Variants in WNK3 observed in about 807,000 individuals in gnomAD.
The protein encoded by WNK3 is WNK lysine deficient protein kinase 3.
Under a neutral mutation model 116.7 loss-of-function variants are expected in WNK3, and 18 were observed. The observed-to-expected ratio is 0.15, with a 90% CI of 0.11 to 0.23. WNK3 has a LOEUF of 0.23. Among genes scored for constraint, WNK3 ranks in the 10% least tolerant of loss-of-function variants. The probability of loss-of-function intolerance (pLI) is 1.00; values close to 1 mark genes in which losing one functional copy is unlikely to be tolerated. For synonymous variants in WNK3, 404 were observed against 469.4 expected (o/e 0.86, Z 1.80); for missense variants, 993 against 1,323.8 (o/e 0.75, Z 3.88).
At chrX:54,273,252 T>A (rs970199253) in intron 10 of WNK3, among the ~76,000 whole-genome samples, 1 of 112,353 alleles carries the variant, frequency 8.9e-6, no homozygotes, top group Non-Finnish European at 1.9e-5. Flanking sequence ...ACATCTGTCT[T>A]ACCAACTACC....
intron 22 of WNK3, among the ~76,000 whole-genome samples, chrX:54,215,129 A>AC (rs2067670567): frequency 1.9e-5 from 2 of 106,575 alleles, no homozygotes; most frequent in African/African-American, 3.4e-5. Flanking sequence ...AAAAAAAAAA[A>AC]AAAAAAAAAA....
chrX:54,238,717 GA>G, intron 18 of WNK3, 150 bp downstream of exon 18: 2 of 536,948 alleles, frequency 3.7e-6, no homozygotes, highest in Middle Eastern at 4.2e-4. Context: ...GTTACAAAAG[GA>G]AAAAATAAAA....
At chrX:54,237,581 C>T (rs1285363650) in intron 19 of WNK3, 30 bp from the exon 20 acceptor site, 3 of 1,136,160 alleles carry the variant, frequency 2.6e-6, no homozygotes, top group Non-Finnish European at 3.5e-6. Context: ...AAGTGGTTAG[C>T]ATAGCACAGA....
At chrX:54,325,057 G>C (rs782041620) in intron 2 of WNK3, among the ~76,000 whole-genome samples, 1 of 111,857 alleles carries the variant, frequency 8.9e-6, no homozygotes, top group African/African-American at 3.2e-5. Context: ...GGATTTTTAA[G>C]CTGTTACTTC....
intron 1 of WNK3, among the ~76,000 whole-genome samples, chrX:54,336,927 C>T (rs2069246480): frequency 9.0e-6 from 1 of 111,429 alleles, no homozygotes; most frequent in South Asian, 3.7e-4. Context: ...AAGAACTGAA[C>T]TCATGAAGGT....
At chrX:54,268,703 C>A (rs2068345405) in intron 10 of WNK3, among the ~76,000 whole-genome samples, 1 of 110,439 alleles carries the variant, frequency 9.1e-6, no homozygotes. Context: ...TCCCCCAAAT[C>A]TAGGGCATTT....
chrX:54,311,318 T>A lies in WNK3; in HGVS notation c.538-27A>T, dbSNP rs868980291. 6.9e-6 allele frequency: 8 copies of A among 1,152,350 alleles called. No homozygotes were observed. The Middle Eastern group carries it at 1.4e-3, about 206-fold the overall frequency. 95.0% of individuals were successfully genotyped at this position (1,152,350 alleles called of 1,213,427 possible). ...TGAAAAGGAATAACAAGTTCCAAAATAAAGTCATGAAAATTCTCATGCACA... is the reference window on the plus strand; with the variant it reads ...TGAAAAGGAATAACAAGTTCCAAAAAAAAGTCATGAAAATTCTCATGCACA... On this transcript the variant is annotated intron_variant, in intron 2 of 23. Transcript: ENST00000354646.
intron 22 of WNK3, among the ~76,000 whole-genome samples, chrX:54,221,459 G>GAGGGAAT (rs781888674): frequency 1.2e-3 from 140 of 112,136 alleles, no homozygotes; most frequent in African/African-American, 4.4e-3. Flanking sequence ...AAGAAGTTGT[G>GAGGGAAT]AGGGAATACG....
At chrX:54,358,139 C>G (rs2069624515), upstream of WNK3, 1 of 111,640 alleles carries the variant, frequency 9.0e-6, no homozygotes, top group Non-Finnish European at 1.9e-5. Flanking sequence ...AACTCGGAAC[C>G]GCCCCTATCG....
chrX:54,299,123 A>G (rs1487034306), intron 6 of WNK3, among the ~76,000 whole-genome samples: 9 of 112,083 alleles, frequency 8.0e-5, no homozygotes, highest in African/African-American at 2.6e-4. Flanking sequence ...AAGTTAATTT[A>G]CTTTTACTAA....
intron 2 of WNK3, among the ~76,000 whole-genome samples, chrX:54,314,703 A>G (rs2068931377): frequency 9.1e-6 from 1 of 110,481 alleles, no homozygotes; most frequent in Admixed American, 9.6e-5. Context: ...CGGGAGGTCG[A>G]GACTGTATAG....
chrX:54,248,715 G>A, exon 17 of WNK3: 2 of 1,204,471 alleles, frequency 1.7e-6, no homozygotes, highest in Non-Finnish European at 1.1e-6. Context: ...ACAATTCGCT[G>A]GGTACAGAAG....
intron 5 of WNK3, among the ~76,000 whole-genome samples, chrX:54,302,749 ATATATATATT>A (rs2068776736): frequency 2.3e-5 from 1 of 44,227 alleles, no homozygotes; most frequent in African/African-American, 7.8e-5. Context: ...ATATATATAT[ATATATATATT>A]TTTTTTTTTT....
At chrX:54,344,797 A>G (rs1198153138) in intron 1 of WNK3, among the ~76,000 whole-genome samples, 1 of 109,354 alleles carries the variant, frequency 9.1e-6, no homozygotes, top group Non-Finnish European at 1.9e-5. Context: ...ACAAAATTTT[A>G]GCCGGGCGTG....
At position 54,233,023 on chromosome X, in the gene WNK3, G is replaced by A; in HGVS notation, c.4629-3C>T. On this transcript the variant is annotated splice_region_variant and splice_polypyrimidine_tract_variant and intron_variant, in intron 20 of 23. Transcript: ENST00000354646. Reference sequence around the variant, plus strand: ...GATTTACCACCTCCTGAATGTGTCTGAATGAAAATCATGCAAAAAGCATTT... The same window carrying A: ...GATTTACCACCTCCTGAATGTGTCTAAATGAAAATCATGCAAAAAGCATTT... The A allele has an allele frequency of 1.7e-6, 2 of 1,198,040 alleles. No homozygotes were observed. Among genetic ancestry groups the A allele is most frequent in the Non-Finnish European group, 1.1e-6 (1 of 885,039 alleles).
chrX:54,278,792 C>T (rs1368733921), intron 10 of WNK3, among the ~76,000 whole-genome samples: 2 of 111,864 alleles, frequency 1.8e-5, no homozygotes, highest in Non-Finnish European at 3.8e-5. Flanking sequence ...TAACATAGGC[C>T]GGGCGTGGTG....
chrX:54,249,063 T>G (rs782579203), exon 17 of WNK3: 1 of 1,212,120 alleles, frequency 8.3e-7, no homozygotes, highest in South Asian at 1.8e-5. Flanking sequence ...TTTCTCCATC[T>G]GATTCCAGGA....
At chrX:54,232,854 G>A (rs782572831) in exon 21 of WNK3, 19 of 1,209,426 alleles carry the variant, frequency 1.6e-5, no homozygotes, top group South Asian at 5.3e-5. Context: ...GACTGGGGGC[G>A]GCTTCGAAGT....
chrX:54,235,602 C>T (rs782185930), intron 20 of WNK3, among the ~76,000 whole-genome samples: 205 of 111,188 alleles, frequency 1.8e-3, no homozygotes, highest in African/African-American at 6.2e-3. Context: ...CAGCTTTTTG[C>T]GTGCCTATTT....
Sources: gnomAD v4.1 joint callset for allele counts (sites outside exome capture counted in the v4.1 genomes callset) on GRCh38, gnomAD v4.1.1 for gene constraint, MANE v1.5 for transcripts, NCBI Gene and HGNC (gene_info 2026-07-23, HGNC 2026-07-21) for gene names.